STPG4: variants seen among roughly 807,000 people sequenced by gnomAD.
STPG4 encodes the protein protein STPG4.
Under a neutral mutation model 31.5 loss-of-function variants are expected in STPG4, and 41 were observed. The ratio of observed to expected loss-of-function variants is 1.30; its 90% CI spans 1.01 to 1.69. STPG4 has a LOEUF of 1.69. STPG4 is among the 40% of genes most tolerant of loss of function. The pLI is 0.00. For synonymous variants in STPG4, 141 were observed against 103.0 expected, an observed-to-expected ratio of 1.37 and a Z score of -2.24; for missense variants, 375 against 293.4, an observed-to-expected ratio of 1.28 and a Z score of -2.03.
At chr2:47,130,054 G>A (rs567006055) in intron 4 of STPG4, 59 bp from the exon 5 acceptor site, 5 of 1,478,828 alleles carry the variant, frequency 3.4e-6, no homozygotes, top group Middle Eastern at 1.8e-4. Flanking sequence ...AAAGATCTTT[G>A]TTAACTTATT....
intron 3 of STPG4, among the ~76,000 whole-genome samples, chr2:47,143,370 G>A (rs958723737): frequency 3.3e-5 from 5 of 152,142 alleles, no homozygotes; most frequent in East Asian, 1.9e-4. Flanking sequence ...CCTGATAGGC[G>A]AAAATTGTGC....
At position 47,087,048 on chromosome 2, in the gene STPG4, T is replaced by C. The variant is rs1371304566; in HGVS notation, c.707A>G (p.His236Arg). The change falls in exon 7 of 7, where the codon CAT (histidine) becomes CGT (arginine). Residue 236 changes from histidine (H) to arginine (R), a missense_variant. Physicochemically the swap from His to Arg is conservative, Grantham distance 29. Coordinates refer to ENST00000445927, the MANE Select transcript of STPG4 (RefSeq NM_001163561.2). ...ATTGTTGTTGTTGAAGAAAAGGCTA[T>C]GCTCTTGGCCCATTTTGGCTATGGT... ...SPTIAKMGQEHSLFFNNNNWL... is the reference protein window; with the variant it reads ...SPTIAKMGQERSLFFNNNNWL... 3.2e-6 allele frequency: 5 copies of C among 1,551,814 alleles called. No individual in the cohort carries two copies. The Admixed American group carries it at 7.8e-5, about 24-fold the overall frequency.
At chr2:47,142,038 G>A (rs1157492278) in intron 3 of STPG4, among the ~76,000 whole-genome samples, 1 of 150,158 alleles carries the variant, frequency 6.7e-6, no homozygotes, top group East Asian at 2.0e-4. Flanking sequence ...CCATCCTGTT[G>A]AAAATCCCTT....
At chr2:47,123,351 AT>A (rs1346003331) in intron 5 of STPG4, among the ~76,000 whole-genome samples, 1 of 152,168 alleles carries the variant, frequency 6.6e-6, no homozygotes, top group Non-Finnish European at 1.5e-5. Context: ...ATCTCTAGCG[AT>A]TTAATTAATT....
rs1034067725 is a variant in STPG4 at position 47,109,618 on chromosome 2, T to G, written c.520-19244A>C. ...AGCTATATTTGAAATGTTATATTTT[T>G]CCCAAAATGTTACCCACAAGTAAAA... On this transcript the variant is annotated intron_variant, in intron 5 of 6. Transcript: ENST00000445927. Among the ~76,000 whole-genome samples, 3 of 152,032 alleles carry G rather than the reference T, an allele frequency of 2.0e-5. No individual in the cohort carries two copies. In the East Asian group the frequency reaches 5.8e-4, roughly 29 times the overall value.
intron 3 of STPG4, among the ~76,000 whole-genome samples, chr2:47,131,736 G>C (rs761723084): frequency 3.3e-5 from 5 of 152,206 alleles, no homozygotes; most frequent in Non-Finnish European, 7.3e-5. Context: ...AGGAGCTCAA[G>C]CAAGGGTCTT....
chr2:47,143,460 G>C (rs982915134), intron 3 of STPG4, among the ~76,000 whole-genome samples: 3 of 150,430 alleles, frequency 2.0e-5, no homozygotes, highest in Non-Finnish European at 4.4e-5. Context: ...GTGTCTCTTT[G>C]TGAATTGCCA....
chr2:47,108,531 C>T (rs192823001), intron 5 of STPG4: 409 of 171,466 alleles, frequency 2.4e-3, no homozygotes, highest in Middle Eastern at 7.4e-3. Context: ...CGAGTGTCCA[C>T]GGCTTCATTC....
intron 3 of STPG4, among the ~76,000 whole-genome samples, chr2:47,140,073 T>G (rs1686673308): frequency 6.6e-6 from 1 of 152,118 alleles, no homozygotes; most frequent in South Asian, 2.1e-4. Flanking sequence ...AGCACCCAGC[T>G]GCAGTATCAG....
At chr2:47,088,966 G>C (rs949422592) in intron 6 of STPG4, among the ~76,000 whole-genome samples, 1 of 152,134 alleles carries the variant, frequency 6.6e-6, no homozygotes, top group African/African-American at 2.4e-5. Flanking sequence ...TGCTGGTTGG[G>C]GTTCAGCCAC....
At chr2:47,133,872 C>T (rs1032627912) in intron 3 of STPG4, among the ~76,000 whole-genome samples, 4 of 151,796 alleles carry the variant, frequency 2.6e-5, no homozygotes, top group African/African-American at 7.3e-5. Context: ...ACACAGCGCC[C>T]GGCCAGGCAC....
intron 5 of STPG4, among the ~76,000 whole-genome samples, chr2:47,111,509 T>C (rs1316992717): frequency 6.6e-6 from 1 of 152,188 alleles, no homozygotes; most frequent in East Asian, 1.9e-4. Context: ...CTTTGTCCAG[T>C]TCTCTTGGAT....
chr2:47,116,811 A>G (rs1558678432), intron 5 of STPG4, among the ~76,000 whole-genome samples: 1 of 152,340 alleles, frequency 6.6e-6, no homozygotes, highest in East Asian at 1.9e-4. Flanking sequence ...AAAATCCTCC[A>G]CAAAACATTT....
chr2:47,126,672 T>A (rs369640191), intron 5 of STPG4, among the ~76,000 whole-genome samples: 8 of 152,226 alleles, frequency 5.3e-5, no homozygotes, highest in Non-Finnish European at 7.3e-5. Flanking sequence ...CTTTCAGAAT[T>A]TGAAGAACTC....
chr2:47,108,711 G>C (rs986574293), intron 5 of STPG4: 1 of 152,902 alleles, frequency 6.5e-6, no homozygotes, highest in Non-Finnish European at 1.5e-5. Context: ...GTTTAACTAA[G>C]GTCACTCCCT....
At chr2:47,148,501 T>C (rs1254753824) in intron 3 of STPG4, among the ~76,000 whole-genome samples, 2 of 152,194 alleles carry the variant, frequency 1.3e-5, no homozygotes, top group Non-Finnish European at 2.9e-5. Context: ...AGAATAAAGA[T>C]ACTAAAAATA....
chr2:47,120,459 C>G (rs1418988578), intron 5 of STPG4, among the ~76,000 whole-genome samples: 1 of 151,388 alleles, frequency 6.6e-6, no homozygotes, highest in African/African-American at 2.4e-5. Context: ...CCCAGCTATT[C>G]AGGAGGCTGA....
intron 3 of STPG4, among the ~76,000 whole-genome samples, chr2:47,132,501 GTGA>G (rs1329643517): frequency 6.6e-6 from 1 of 152,200 alleles, no homozygotes; most frequent in East Asian, 1.9e-4. Flanking sequence ...TGTGGATAGA[GTGA>G]TGATAACAGT....
chr2:47,092,879 G>A (rs530825646), intron 5 of STPG4, among the ~76,000 whole-genome samples: 3 of 151,670 alleles, frequency 2.0e-5, no homozygotes, highest in South Asian at 2.1e-4. Flanking sequence ...TGCAAGCTCC[G>A]CCTCCTGGGT....
Sources: gnomAD v4.1 joint callset for allele counts (sites outside exome capture counted in the v4.1 genomes callset) on GRCh38, gnomAD v4.1.1 for gene constraint, MANE v1.5 for transcripts, NCBI Gene and HGNC (gene_info 2026-07-23, HGNC 2026-07-21) for gene names.